The following CSMD1 variants were observed in gnomAD, a reference collection of about 807,000 sequenced individuals.
CSMD1 encodes CUB and sushi domain-containing protein 1.
In CSMD1, 213 loss-of-function variants were observed where a neutral mutation model predicts 417.5. The observed-to-expected ratio is 0.51, with a 90% CI of 0.46 to 0.57. The LOEUF (loss-of-function observed/expected upper bound fraction) is 0.57. Among genes scored for constraint, CSMD1 ranks in the 20% least tolerant of loss-of-function variants. CSMD1 has a pLI of 0.00. For missense variants in CSMD1, 6,923 were observed against 4,529.7 expected, an observed-to-expected ratio of 1.53 and a Z score of -15.17; for synonymous variants, 2,862 against 1,736.8, an observed-to-expected ratio of 1.65 and a Z score of -16.11.
At chr8:2,958,736 T>C (rs1002445724) in intron 62 of CSMD1, among the ~76,000 whole-genome samples, 1 of 152,242 alleles carries the variant, frequency 6.6e-6, no homozygotes, top group Non-Finnish European at 1.5e-5. Flanking sequence ...GCTTGACTTA[T>C]GAAGGCACAT....
In CSMD1 at chr8:4,002,160, A is replaced by T. The variant is rs114500333; in HGVS notation, c.611-4050T>A. Among the ~76,000 whole-genome samples, 994 of 152,220 alleles carry T rather than the reference A, an allele frequency of 6.5e-3. 14 individuals are homozygous for T. The highest frequency in any genetic ancestry group is 0.023 in the African/African-American group (957 of 41,518). ...GGGATAAAATGCTTAAATCACAGAA[A>T]ATCTTTAGCACAGAATGAGGCAAAA... On this transcript the variant is annotated intron_variant, in intron 4 of 69. Transcript: ENST00000635120.
At chr8:3,778,694 A>G (rs1020634686) in intron 5 of CSMD1, among the ~76,000 whole-genome samples, 14 of 152,190 alleles carry the variant, frequency 9.2e-5, no homozygotes, top group Non-Finnish European at 2.1e-4. Context: ...AGAGCTGGCC[A>G]AAGATCATCT....
chr8:3,282,044 C>A (rs1182631429), intron 26 of CSMD1, among the ~76,000 whole-genome samples: 1 of 152,128 alleles, frequency 6.6e-6, no homozygotes, highest in Non-Finnish European at 1.5e-5. Flanking sequence ...TTCCTGAGGC[C>A]CTCCCAGCCA....
intron 1 of CSMD1, among the ~76,000 whole-genome samples, chr8:4,666,962 A>G (rs796074041): frequency 2.6e-5 from 4 of 152,244 alleles, no homozygotes; most frequent in African/African-American, 9.6e-5. Flanking sequence ...TAAAATTTTT[A>G]TGTAATTTTT....
intron 3 of CSMD1, among the ~76,000 whole-genome samples, chr8:4,158,371 A>G (rs961705298): frequency 5.3e-5 from 8 of 152,142 alleles, no homozygotes; most frequent in African/African-American, 1.9e-4. Flanking sequence ...AGAAATAGTA[A>G]TATGAATACA....
At chr8:4,362,460 C>T (rs965612799) in intron 3 of CSMD1, among the ~76,000 whole-genome samples, 1 of 152,164 alleles carries the variant, frequency 6.6e-6, no homozygotes, top group African/African-American at 2.4e-5. Flanking sequence ...AGGTCCCTTG[C>T]TGATAAGATT....
chr8:4,313,949 G>C (rs954943984), intron 3 of CSMD1, among the ~76,000 whole-genome samples: 1 of 151,896 alleles, frequency 6.6e-6, no homozygotes, highest in African/African-American at 2.4e-5. Flanking sequence ...GGGAGGCAGA[G>C]GTTGCAGCGA....
At position 4,799,362 on chromosome 8, in the gene CSMD1, AG is replaced by A. The variant is rs1264467429; in HGVS notation, c.86-161805del. Among the ~76,000 whole-genome samples the A allele has an allele frequency of 5.3e-5, 8 of 152,192 alleles. 1 individual carries two copies. Among genetic ancestry groups the A allele is most frequent in the Admixed American group, 3.9e-4 (6 of 15,282 alleles). ...TGGTAATACAATGACGAGTAATTTT[AG>A]CCCTAGATCATATAAGTGTTTTAAA... is the stretch of plus-strand genomic sequence containing the variant. On this transcript the variant is annotated intron_variant, in intron 1 of 69. Coordinates refer to ENST00000635120, the MANE Select transcript of CSMD1 (RefSeq NM_033225.6).
chr8:4,243,593 T>C lies in CSMD1; in HGVS notation c.415+176360A>G, dbSNP rs75974483. 2.8e-3 allele frequency among the ~76,000 whole-genome samples: 433 copies of C among 152,258 alleles called. 2 individuals are homozygous for C. The highest frequency in any genetic ancestry group is 0.01 in the African/African-American group (420 of 41,564). ...TAAATAAGTTATGCAAGGAGAGATG[T>C]CTCCATGACTATTTCCTTAACCACC... On this transcript the variant is annotated intron_variant, in intron 3 of 69. Transcript: ENST00000635120.
chr8:4,107,739 G>A (rs1429254046), intron 3 of CSMD1, among the ~76,000 whole-genome samples: 1 of 152,114 alleles, frequency 6.6e-6, no homozygotes, highest in African/African-American at 2.4e-5. Flanking sequence ...TTAAAGGGAG[G>A]GACGCTGCGG....
intron 2 of CSMD1, among the ~76,000 whole-genome samples, chr8:4,597,565 C>G (rs1480577644): frequency 6.6e-6 from 1 of 151,660 alleles, no homozygotes; most frequent in Non-Finnish European, 1.5e-5. Flanking sequence ...TTTCCCAAAA[C>G]AATGCAACAA....
At chr8:4,680,950 A>ATGTGTGTGTG (rs71209112) in intron 1 of CSMD1, among the ~76,000 whole-genome samples, 99 of 144,480 alleles carry the variant, frequency 6.9e-4, no homozygotes, top group East Asian at 2.5e-3. Context: ...ATCTATATTG[A>ATGTGTGTGTG]TGTGTGTGTG....
At chr8:4,228,296 T>C (rs1801487156) in intron 3 of CSMD1, among the ~76,000 whole-genome samples, 1 of 152,222 alleles carries the variant, frequency 6.6e-6, no homozygotes, top group Admixed American at 6.5e-5. Flanking sequence ...GCCCTGGCAG[T>C]AAAACTCTTT....
Position 3,219,257 on chromosome 8 carries a change from T to G in CSMD1, c.4670A>C (p.Lys1557Thr). Residue 1557 changes from lysine (K) to threonine (T), a missense_variant and splice_region_variant, in exon 29 of 70, where the codon AAA (lysine) becomes ACA (threonine). Physicochemically the swap from Lys to Thr is moderately conservative, Grantham distance 78. Coordinates refer to ENST00000635120, the MANE Select transcript of CSMD1 (RefSeq NM_033225.6). The part of the protein sequence containing the change: ...VGLSGFAIEF[K>T]EKPREACFDP... ...TCAAATTCAGGCAATCGCAATACCT[T>G]TAAATTCAATGGCGAACCCTGAAAG... 1 of 1,588,016 alleles carries G rather than the reference T, an allele frequency of 6.3e-7. No homozygotes were observed. The highest frequency in any genetic ancestry group is 2.3e-5 in the East Asian group (1 of 43,992).
At chr8:4,110,224 A>G (rs1801779305) in intron 3 of CSMD1, among the ~76,000 whole-genome samples, 2 of 152,176 alleles carry the variant, frequency 1.3e-5, no homozygotes, top group Non-Finnish European at 2.9e-5. Flanking sequence ...TAGATATGAA[A>G]TAAAATAAAA....
chr8:4,134,970 G>C (rs956872481), intron 3 of CSMD1, among the ~76,000 whole-genome samples: 6 of 152,000 alleles, frequency 3.9e-5, no homozygotes, highest in Admixed American at 1.3e-4. Flanking sequence ...TACTAGGCAG[G>C]CTCAGCTTAG....
At chr8:4,356,577 C>G (rs75805909) in intron 3 of CSMD1, among the ~76,000 whole-genome samples, 2 of 152,108 alleles carry the variant, frequency 1.3e-5, no homozygotes, top group African/African-American at 2.4e-5. Context: ...CTGTTTCAGT[C>G]CATTTTTACC....
At chr8:4,076,353 T>C (rs529970637) in intron 3 of CSMD1, among the ~76,000 whole-genome samples, 73 of 152,350 alleles carry the variant, frequency 4.8e-4, no homozygotes, top group African/African-American at 1.7e-3. Flanking sequence ...ATCAAACCTC[T>C]TTCCTTTAAA....
At chr8:3,018,175 T>C (rs1420378600) in intron 52 of CSMD1, among the ~76,000 whole-genome samples, 1 of 152,234 alleles carries the variant, frequency 6.6e-6, no homozygotes, top group African/African-American at 2.4e-5. Flanking sequence ...ATGTACAATA[T>C]TTTTGAAATT....
Sources: allele counts gnomAD v4.1 joint callset (sites outside exome capture counted in the v4.1 genomes callset), GRCh38; gene constraint gnomAD v4.1.1; transcripts MANE v1.5; gene names NCBI Gene and HGNC (gene_info 2026-07-23, HGNC 2026-07-21).